The following ATP2C1 variants were observed in gnomAD, a reference collection of about 807,000 sequenced individuals.
The protein encoded by ATP2C1 is calcium-transporting ATPase type 2C member 1.
In ATP2C1, 31 loss-of-function variants were observed where a neutral mutation model predicts 120.5. The ratio of observed to expected loss-of-function variants is 0.26; its 90% CI spans 0.19 to 0.35. ATP2C1 has a LOEUF of 0.35. Among genes scored for constraint, ATP2C1 ranks in the 10% least tolerant of loss-of-function variants. The pLI is 1.00. For missense variants in ATP2C1, 731 were observed against 1,107.5 expected, an observed-to-expected ratio of 0.66 and a Z score of 4.83; for synonymous variants, 351 against 358.7, an observed-to-expected ratio of 0.98 and a Z score of 0.24.
At chr3:131,011,247 G>C (rs2063306692) in intron 26 of ATP2C1, among the ~76,000 whole-genome samples, 1 of 152,074 alleles carries the variant, frequency 6.6e-6, no homozygotes, top group African/African-American at 2.4e-5. Flanking sequence ...TCAAGGTCCA[G>C]GTGTCTCAAA....
chr3:130,933,597 A>G (rs1052687083), intron 4 of ATP2C1, among the ~76,000 whole-genome samples: 2 of 152,196 alleles, frequency 1.3e-5, no homozygotes, highest in African/African-American at 4.8e-5. Context: ...GCCCTGAACC[A>G]TATTGCAGTT....
chr3:130,869,944 ATGTGGAT>A (rs1471740600), intron 1 of ATP2C1, among the ~76,000 whole-genome samples: 1 of 152,236 alleles, frequency 6.6e-6, no homozygotes, highest in East Asian at 1.9e-4. Context: ...TAGATTTTCA[ATGTGGAT>A]AAAAAGCCAC....
intron 18 of ATP2C1, among the ~76,000 whole-genome samples, chr3:130,976,415 C>T (rs1012236665): frequency 5.3e-5 from 8 of 152,280 alleles, no homozygotes; most frequent in Middle Eastern, 3.4e-3. Context: ...CAAGATCACT[C>T]CTCATACCCC....
intron 2 of ATP2C1, among the ~76,000 whole-genome samples, chr3:130,913,713 T>A (rs1363484043): frequency 6.6e-6 from 1 of 152,204 alleles, no homozygotes; most frequent in African/African-American, 2.4e-5. Flanking sequence ...TATTCTTAGA[T>A]CTTAAATCTA....
chr3:130,863,276 C>T (rs2068072837), intron 1 of ATP2C1, among the ~76,000 whole-genome samples: 1 of 152,032 alleles, frequency 6.6e-6, no homozygotes, highest in African/African-American at 2.4e-5. Flanking sequence ...TCTGGTACTG[C>T]TAAAACTCAA....
intron 2 of ATP2C1, among the ~76,000 whole-genome samples, chr3:130,912,997 G>A (rs538627818): frequency 3.1e-4 from 45 of 145,244 alleles, no homozygotes; most frequent in African/African-American, 8.9e-4. Flanking sequence ...GTAAACTATC[G>A]CAAGAACAAA....
chr3:131,000,992 A>C (rs549319015), intron 27 of ATP2C1, among the ~76,000 whole-genome samples: 79 of 150,838 alleles, frequency 5.2e-4, no homozygotes, highest in African/African-American at 1.9e-3. Flanking sequence ...AATCCCAGCC[A>C]CTTGGGAGGC....
At chr3:130,898,904 T>C (rs1025460743) in intron 2 of ATP2C1, among the ~76,000 whole-genome samples, 2 of 152,194 alleles carry the variant, frequency 1.3e-5, no homozygotes, top group African/African-American at 4.8e-5. Flanking sequence ...ATTACACCGT[T>C]GTTACATGTA....
intron 4 of ATP2C1, among the ~76,000 whole-genome samples, chr3:130,934,265 T>G (rs1263617934): frequency 6.6e-6 from 1 of 152,168 alleles, no homozygotes; most frequent in Non-Finnish European, 1.5e-5. Flanking sequence ...TCGCCCAAAT[T>G]TTTAGCTTAA....
At chr3:130,998,495 T>C (rs2062734688) in intron 26 of ATP2C1, 106 bp downstream of exon 26, 2 of 853,792 alleles carry the variant, frequency 2.3e-6, no homozygotes, top group East Asian at 5.1e-5. Flanking sequence ...CTTAATTTTG[T>C]AGCCACAGAT....
chr3:130,963,839 T>C, intron 12 of ATP2C1, 132 bp from the exon 13 acceptor site: 4 of 1,113,070 alleles, frequency 3.6e-6, no homozygotes, highest in Non-Finnish European at 5.3e-6. Context: ...CTCTTCCTTT[T>C]GAGAAGTTTA....
chr3:130,899,789 G>A (rs975079299), intron 2 of ATP2C1, among the ~76,000 whole-genome samples: 3 of 152,082 alleles, frequency 2.0e-5, no homozygotes, highest in Admixed American at 6.5e-5. Flanking sequence ...AGTAATAGTC[G>A]GGGTCAGAAG....
chr3:130,961,825 A>G lies in ATP2C1; in HGVS notation c.900-2146A>G, dbSNP rs375826857. Among the ~76,000 whole-genome samples the G allele has an allele frequency of 2.9e-3, 441 of 152,162 alleles. 9 individuals are homozygous for G. In the South Asian group the frequency reaches 0.031, roughly 11 times the overall value. On this transcript the variant is annotated intron_variant, in intron 12 of 27. Transcript: ENST00000510168. Reference sequence around the variant, plus strand: ...CAATTATTAGACAAATCAGAAGATCAGTGCAAAGAGCCAAATAGAAGCACT... The same window carrying G: ...CAATTATTAGACAAATCAGAAGATCGGTGCAAAGAGCCAAATAGAAGCACT...
chr3:130,896,458 C>T (rs1298378877), intron 2 of ATP2C1, among the ~76,000 whole-genome samples: 1 of 152,128 alleles, frequency 6.6e-6, no homozygotes, highest in Non-Finnish European at 1.5e-5. Flanking sequence ...CCATTTTTGT[C>T]AGTTTCTCCC....
In ATP2C1 at chr3:130,930,502, C is replaced by G. The variant is rs776548945; in HGVS notation, c.93C>G (p.Val31=). 45 of 1,611,432 alleles carry G rather than the reference C, an allele frequency of 2.8e-5. 1 individual carries two copies. The South Asian group carries it at 4.8e-4, about 17-fold the overall frequency. The change falls in exon 3 of 28, where the codon GTC becomes GTG. Residue 31 remains valine (V), a synonymous_variant. Coordinates refer to ENST00000510168, the MANE Select transcript of ATP2C1 (RefSeq NM_001378687.1). Reference sequence around the variant, plus strand: ...CAAAAAAAGCAAGTGAATTACCAGTCAGTGAAGTTGCAAGCATTCTCCAAG... The same window carrying G: ...CAAAAAAAGCAAGTGAATTACCAGTGAGTGAAGTTGCAAGCATTCTCCAAG... ...LTSKKASELP[V]SEVASILQAD...
chr3:130,897,773 A>G (rs1489107680), intron 2 of ATP2C1, among the ~76,000 whole-genome samples: 1 of 152,194 alleles, frequency 6.6e-6, no homozygotes, highest in Non-Finnish European at 1.5e-5. Context: ...TTTTAGCTGT[A>G]GACTCCAGGA....
chr3:130,850,628 T>C (rs2067646606), exon 1 of ATP2C1: 2 of 417,288 alleles, frequency 4.8e-6, no homozygotes, highest in Non-Finnish European at 4.3e-6. Flanking sequence ...ACAGTGTTCA[T>C]ACTTGGCTGT....
At chr3:130,970,369 TACACACACACACAC>T (rs201337484) in intron 17 of ATP2C1, among the ~76,000 whole-genome samples, 22 of 130,726 alleles carry the variant, frequency 1.7e-4, no homozygotes, top group East Asian at 1.4e-3. Flanking sequence ...AAAAAAAAAT[TACACACACACACAC>T]ACACACACAC....
chr3:130,900,986 A>C (rs974149311), intron 2 of ATP2C1, among the ~76,000 whole-genome samples: 7 of 152,160 alleles, frequency 4.6e-5, no homozygotes, highest in Admixed American at 1.3e-4. Context: ...AGGTTTCTAC[A>C]TCATCAGGGG....
Sources: gnomAD v4.1 joint callset for allele counts (sites outside exome capture counted in the v4.1 genomes callset) on GRCh38, gnomAD v4.1.1 for gene constraint, MANE v1.5 for transcripts, NCBI Gene and HGNC (gene_info 2026-07-23, HGNC 2026-07-21) for gene names.